KANSL3: variants seen among roughly 807,000 people sequenced by gnomAD.
KANSL3 encodes NSL complex protein NSL3.
A neutral mutation model predicts 89.2 loss-of-function variants in KANSL3; 16 were observed. The ratio of observed to expected loss-of-function variants is 0.18; its 90% CI spans 0.12 to 0.27. The LOEUF (loss-of-function observed/expected upper bound fraction) is 0.27, where lower values mean the gene tolerates loss of function less well. Among genes scored for constraint, KANSL3 ranks in the 10% least tolerant of loss-of-function variants. KANSL3 has a pLI of 1.00. For synonymous variants in KANSL3, 385 were observed against 419.7 expected, an observed-to-expected ratio of 0.92 and a Z score of 1.01; for missense variants, 879 against 1,110.6, an observed-to-expected ratio of 0.79 and a Z score of 2.96.
In KANSL3 at chr2:96,594,653, A is replaced by AT. The variant is rs2066408778; in HGVS notation, c.*957_*958insA. On this transcript the variant is annotated 3_prime_UTR_variant, in exon 21 of 21. Coordinates refer to ENST00000431828, the MANE Select transcript of KANSL3 (RefSeq NM_001115016.3). Reference sequence around the variant, plus strand: ...TGCTTCACCTCCAGAGACTGGAGACAGAGGATTTTCCGGGGTTGGGGTTTC... The same window carrying AT: ...TGCTTCACCTCCAGAGACTGGAGACATGAGGATTTTCCGGGGTTGGGGTTTC... 1.3e-5 allele frequency: 2 copies of AT among 152,286 alleles called. No homozygotes were observed. Among genetic ancestry groups the AT allele is most frequent in the African/African-American group, 2.4e-5 (1 of 41,470 alleles). The allele number at this position is 152,286 out of a possible 1,614,324, so 9.4% of individuals were successfully genotyped here.
At chr2:96,598,381 G>C (rs888871285) in intron 20 of KANSL3, among the ~76,000 whole-genome samples, 2 of 152,168 alleles carry the variant, frequency 1.3e-5, no homozygotes, top group African/African-American at 4.8e-5. Flanking sequence ...AAAGCCTGAG[G>C]AGATTAATAT....
rs76594856 is a variant in KANSL3, at chr2:96,626,385, G to A, written c.386+4927C>T. The stretch of plus-strand genomic sequence containing the variant: ...AGGGTGGGGGAGGGGAAGGAGGGAC[G>A]ATAACTCAAAGACCTTGGACTTAAA... On this transcript the variant is annotated intron_variant, in intron 3 of 20. Transcript: ENST00000431828. Among the ~76,000 whole-genome samples, 16 of 150,432 alleles carry A rather than the reference G, an allele frequency of 1.1e-4. No homozygotes were observed. In the East Asian group the frequency reaches 2.3e-3, roughly 22 times the overall value.
chr2:96,631,292 C>A lies in KANSL3; in HGVS notation c.386+20G>T. The A allele has an allele frequency of 6.5e-7, 1 of 1,547,812 alleles. No individual in the cohort carries two copies. The highest frequency in any genetic ancestry group is 8.9e-7 in the Non-Finnish European group (1 of 1,120,228). ...AAAATAATTACAGGGCAGTGATCATCCTCCTGATGAGCAGCCTACCTGTTG... is the reference window on the plus strand; with the variant it reads ...AAAATAATTACAGGGCAGTGATCATACTCCTGATGAGCAGCCTACCTGTTG... On this transcript the variant is annotated intron_variant, in intron 3 of 20. Transcript: ENST00000431828.
intron 5 of KANSL3, among the ~76,000 whole-genome samples, chr2:96,615,781 G>A (rs951183694): frequency 2.7e-4 from 41 of 152,158 alleles, no homozygotes; most frequent in Admixed American, 4.6e-4. Flanking sequence ...AGAAATATTC[G>A]TGCAACTGCT....
At position 96,612,854 on chromosome 2, in the gene KANSL3, G is replaced by C. The variant is rs1265882398; in HGVS notation, c.876C>G (p.His292Gln). ...AGGACAGCTGAGATTGCCAGAAGCG[G>C]TGGCGGCGTGAAGTGGGAAACACAG... is the stretch of plus-strand genomic sequence containing the variant. ...SSSVFPTSRR[H>Q]RFWQSQLSCL... The change falls in exon 7 of 21, where the codon CAC becomes CAG. Residue 292 changes from histidine (H) to glutamine (Q), a missense_variant. By Grantham distance (24) the His-to-Gln change is conservative (BLOSUM62 0). This residue lies in a region of KANSL3 where 198 missense variants were observed against 260.3 expected (regional missense o/e 0.76). Transcript: ENST00000431828. 2 of 1,570,486 alleles carry C rather than the reference G, an allele frequency of 1.3e-6. No homozygotes were observed. Among genetic ancestry groups the C allele is most frequent in the Non-Finnish European group, 8.6e-7 (1 of 1,157,928 alleles).
downstream of KANSL3, among the ~76,000 whole-genome samples, chr2:96,591,547 T>C (rs1028293648): frequency 7.2e-5 from 11 of 152,228 alleles, no homozygotes; most frequent in Non-Finnish European, 4.4e-5. Context: ...TATACTACAA[T>C]TGCAGGTTAA....
chr2:96,618,809 C>T (rs1183571556), intron 5 of KANSL3, among the ~76,000 whole-genome samples: 1 of 152,242 alleles, frequency 6.6e-6, no homozygotes, highest in East Asian at 1.9e-4. Context: ...TAGCCTGATG[C>T]AATCACTGGA....
At chr2:96,584,642 C>G in the KANSL3 span, among the ~76,000 whole-genome samples, 3 of 152,174 alleles carry the variant, frequency 2.0e-5, no homozygotes, top group African/African-American at 7.2e-5. Flanking sequence ...TTTTTCTGTC[C>G]AGACTTACTT....
the KANSL3 span, among the ~76,000 whole-genome samples, chr2:96,582,121 T>C: frequency 6.6e-6 from 1 of 152,178 alleles, no homozygotes; most frequent in Non-Finnish European, 1.5e-5. Flanking sequence ...CCAGGTGCGG[T>C]GGCTCACATC....
chr2:96,621,250 A>T (rs2071211131), intron 3 of KANSL3, among the ~76,000 whole-genome samples: 1 of 152,012 alleles, frequency 6.6e-6, no homozygotes, highest in Non-Finnish European at 1.5e-5. Flanking sequence ...AACTTTGGCC[A>T]GGAGTCTGTA....
chr2:96,605,226 G>A lies in KANSL3; in HGVS notation c.1933+94C>T. 6 of 1,145,724 alleles carry A rather than the reference G, an allele frequency of 5.2e-6. No individual in the cohort carries two copies. The South Asian group carries it at 9.4e-5, about 18-fold the overall frequency. The allele number at this position is 1,145,724 out of a possible 1,614,324, so 71.0% of individuals were successfully genotyped here. A position where few individuals can be genotyped will look rare whatever the true frequency, so the allele number is the denominator to read the frequency against. On this transcript the variant is annotated intron_variant, in intron 15 of 20. Coordinates refer to ENST00000431828, the MANE Select transcript of KANSL3 (RefSeq NM_001115016.3). ...TGCTCCGGGCATCTCTCAAAATAAA[G>A]CAAAGGCTGACATGCTGGTGAATGG... is the stretch of plus-strand genomic sequence containing the variant.
At position 96,613,662 on chromosome 2, in the gene KANSL3, G is replaced by T. The variant is rs376147124; in HGVS notation, c.664-43C>A. The T allele has an allele frequency of 5.2e-4, 832 of 1,591,634 alleles. 2 individuals carry two copies. Among genetic ancestry groups the T allele is most frequent in the Middle Eastern group, 1.8e-3 (11 of 5,976 alleles). ...CAAAGATGACTCCAGTGTAAAGCAG[G>T]AGACCTTCCACCACCAGCAATCAAG... is the stretch of plus-strand genomic sequence containing the variant. On this transcript the variant is annotated intron_variant, in intron 5 of 20. Coordinates refer to ENST00000431828, the MANE Select transcript of KANSL3 (RefSeq NM_001115016.3).
At chr2:96,613,889 T>C (rs2069461620) in intron 5 of KANSL3, among the ~76,000 whole-genome samples, 1 of 152,068 alleles carries the variant, frequency 6.6e-6, no homozygotes, top group African/African-American at 2.4e-5. Flanking sequence ...TCCAAATGTT[T>C]CTACTTCTGA....
chr2:96,636,507 T>C (rs996077084), intron 2 of KANSL3, among the ~76,000 whole-genome samples: 2 of 152,168 alleles, frequency 1.3e-5, no homozygotes, highest in Non-Finnish European at 2.9e-5. Context: ...AAAAGCAAAA[T>C]GCATTACTAT....
At chr2:96,592,727 G>C (rs762773653), downstream of KANSL3, among the ~76,000 whole-genome samples, 26 of 152,192 alleles carry the variant, frequency 1.7e-4, no homozygotes, top group Non-Finnish European at 1.0e-4. Flanking sequence ...TTACAGGCTG[G>C]GTGTGGTGGC....
At chr2:96,616,053 T>G (rs1460735091) in intron 5 of KANSL3, among the ~76,000 whole-genome samples, 1 of 152,116 alleles carries the variant, frequency 6.6e-6, no homozygotes, top group East Asian at 1.9e-4. Flanking sequence ...AGAAAAGCCT[T>G]CCCATCAGAG....
At chr2:96,612,396 G>A (rs779399153) in intron 8 of KANSL3, 43 bp from the exon 9 acceptor site, 4 of 1,603,130 alleles carry the variant, frequency 2.5e-6, no homozygotes, top group South Asian at 2.2e-5. Context: ...GGAGGCCAAA[G>A]ATAGGTGCAG....
At chr2:96,621,779 C>A (rs2071328682) in intron 3 of KANSL3, among the ~76,000 whole-genome samples, 1 of 152,020 alleles carries the variant, frequency 6.6e-6, no homozygotes, top group Non-Finnish European at 1.5e-5. Context: ...GGTCAAAGAA[C>A]ACAAAAAGGC....
chr2:96,588,336 A>C (rs533525409), downstream of KANSL3, among the ~76,000 whole-genome samples: 40 of 152,368 alleles, frequency 2.6e-4, no homozygotes, highest in African/African-American at 8.7e-4. Flanking sequence ...AGAATTTTCC[A>C]AATTCAAGAA....
Sources: allele counts gnomAD v4.1 joint callset (sites outside exome capture counted in the v4.1 genomes callset), GRCh38; gene constraint gnomAD v4.1.1; regional missense constraint gnomAD v4.1.1; transcripts MANE v1.5; gene names NCBI Gene and HGNC (gene_info 2026-07-23, HGNC 2026-07-21).